Variants in ATP23 observed in about 807,000 individuals in gnomAD.
The protein encoded by ATP23 is mitochondrial inner membrane protease ATP23 homolog.
ATP23 carries 24 observed loss-of-function variants against 28.5 expected under a neutral mutation model. The observed-to-expected ratio is 0.84, with a 90% CI of 0.61 to 1.18. ATP23 has a LOEUF of 1.18. ATP23 is among the 50% of genes most tolerant of loss of function. The pLI is 0.00. For synonymous variants in ATP23, 99 were observed against 108.6 expected (o/e 0.91, Z 0.55); for missense variants, 274 against 306.4 (o/e 0.89, Z 0.79).
chr12:57,954,600 G>A (rs1433527940), intron 5 of ATP23, among the ~76,000 whole-genome samples: 2 of 152,220 alleles, frequency 1.3e-5, no homozygotes, highest in African/African-American at 2.4e-5. Context: ...GGGAAAGAAA[G>A]TATAGGACTC....
chr12:57,951,412 T>G (rs1048117644), intron 3 of ATP23, among the ~76,000 whole-genome samples: 2 of 152,192 alleles, frequency 1.3e-5, no homozygotes, highest in Admixed American at 6.5e-5. Flanking sequence ...GTGTGCTTCA[T>G]TCCAAAGCCC....
At position 57,947,004 on chromosome 12, in the gene ATP23, C is replaced by T. The variant is rs1195332299; in HGVS notation, c.243C>T (p.Asn81=). The T allele has an allele frequency of 1.2e-6, 2 of 1,613,812 alleles. No homozygotes were observed. Among genetic ancestry groups the T allele is most frequent in the Non-Finnish European group, 8.5e-7 (1 of 1,179,878 alleles). Residue 81 remains asparagine, a synonymous_variant, in exon 3 of 6, where the codon AAC becomes AAT. Transcript: ENST00000300145. The part of the protein sequence containing the change: ...DAMKHSGCAV[N]KDRHFSCEDC... ...TTTTCTTGCCTTTTAGTGCTGTTAACAAAGATAGACACTTTTCTTGCGAAG... is the reference window on the plus strand; with the variant it reads ...TTTTCTTGCCTTTTAGTGCTGTTAATAAAGATAGACACTTTTCTTGCGAAG...
chr12:57,950,292 T>C (rs1465204334), intron 3 of ATP23, among the ~76,000 whole-genome samples: 1 of 152,168 alleles, frequency 6.6e-6, no homozygotes, highest in Non-Finnish European at 1.5e-5. Context: ...ATCTGTTGCC[T>C]ACCACCCCCA....
intron 1 of ATP23, 71 bp from the exon 2 acceptor site, chr12:57,945,557 T>C (rs1956752357): frequency 2.3e-6 from 3 of 1,322,070 alleles, no homozygotes; most frequent in Admixed American, 3.4e-5. Context: ...GATAATATCT[T>C]ACACTGCTAT....
In ATP23 at chr12:57,941,796, T is replaced by C. The variant is rs1175649915; in HGVS notation, c.95T>C (p.Leu32Pro). 1.2e-6 allele frequency: 2 copies of C among 1,610,590 alleles called. No individual in the cohort carries two copies. ...TCTTGCCAGGTCTTCCCCGAGCGTC[T>C]GGCCCAGGGGAATCCCCAGCAAGGG... Reference protein sequence around the residue: ...HVSCQVFPERLAQGNPQQGFF... With the variant: ...HVSCQVFPERPAQGNPQQGFF... Residue 32 changes from leucine to proline, a missense_variant, in exon 1 of 6, where the codon CTG becomes CCG. Leu to Pro is a moderately conservative substitution (Grantham distance 98). Coordinates refer to ENST00000300145, the MANE Select transcript of ATP23 (RefSeq NM_033276.4).
chr12:57,953,656 C>G lies in ATP23; in HGVS notation c.504C>G (p.Phe168Leu), dbSNP rs536610552. Reference sequence around the variant, plus strand: ...ACTGCTCACTTGTCAATGAAATATTCAGGTTACATTTTGGATTAAAACAAC... The same window carrying G: ...ACTGCTCACTTGTCAATGAAATATTGAGGTTACATTTTGGATTAAAACAAC... ...SGDCSLVNEI[F>L]RLHFGLKQHH... is the part of the protein sequence containing the mutation. Residue 168 changes from phenylalanine (F) to leucine (L), a missense_variant, in exon 5 of 6, where the codon TTC becomes TTG. By Grantham distance (22) the Phe-to-Leu change is conservative. Coordinates refer to ENST00000300145, the MANE Select transcript of ATP23 (RefSeq NM_033276.4). 1.2e-6 allele frequency: 2 copies of G among 1,614,106 alleles called. No homozygotes were observed. The highest frequency in any genetic ancestry group is 1.3e-5 in the African/African-American group (1 of 75,036).
chr12:57,951,800 A>G lies in ATP23; in HGVS notation c.358A>G (p.Asn120Asp), dbSNP rs775121060. ...QNNIHNQAHM[N>D]RVVTHELIHA... ...TAATATCCATAATCAGGCCCATATG[A>G]ACAGAGTGGTCACACACGAGCTTAT... Residue 120 changes from asparagine (N) to aspartate (D), a missense_variant, in exon 4 of 6, where the codon AAC becomes GAC. Coordinates refer to ENST00000300145, the MANE Select transcript of ATP23 (RefSeq NM_033276.4). 12 of 1,614,140 alleles carry G rather than the reference A, an allele frequency of 7.4e-6. No individual in the cohort carries two copies. In the South Asian group the frequency reaches 1.3e-4, roughly 18 times the overall value.
Position 57,956,885 on chromosome 12 carries a change from A to C in ATP23, c.736A>C (p.Ile246Leu), listed in dbSNP as rs771376573. ...FENRDRYYSN[I>L] ...AAACCGTGATCGGTATTATTCAAAT[A>C]TATGAGCACAATGACATTTTTATAT... Residue 246 changes from isoleucine (I) to leucine (L), a missense_variant, in exon 6 of 6, where the codon ATA becomes CTA. By Grantham distance (5) the Ile-to-Leu change is conservative (BLOSUM62 2). Coordinates refer to ENST00000300145, the MANE Select transcript of ATP23 (RefSeq NM_033276.4). The C allele has an allele frequency of 1.3e-6, 2 of 1,599,186 alleles. No homozygotes were observed. Among genetic ancestry groups the C allele is most frequent in the South Asian group, 2.3e-5 (2 of 87,514 alleles).
At chr12:57,951,305 T>A (rs1956812165) in intron 3 of ATP23, among the ~76,000 whole-genome samples, 2 of 152,206 alleles carry the variant, frequency 1.3e-5, no homozygotes, top group African/African-American at 4.8e-5. Flanking sequence ...ACCCTAATTA[T>A]CTCCTTTTTA....
chr12:57,945,556 T>G (rs1393479883), intron 1 of ATP23, 72 bp from the exon 2 acceptor site: 1 of 1,321,334 alleles, frequency 7.6e-7, no homozygotes, highest in Non-Finnish European at 1.1e-6. Flanking sequence ...TGATAATATC[T>G]TACACTGCTA....
At chr12:57,949,864 C>G (rs1340454615) in intron 3 of ATP23, 1 of 146,996 alleles carries the variant, frequency 6.8e-6, no homozygotes, top group African/African-American at 2.7e-5. Flanking sequence ...TTACCATCCC[C>G]CATCTCCCCA....
chr12:57,954,905 G>C (rs1035318354), intron 5 of ATP23, among the ~76,000 whole-genome samples: 18 of 152,174 alleles, frequency 1.2e-4, no homozygotes, highest in African/African-American at 3.4e-4. Context: ...CCTTCTGCCT[G>C]GAAAGGGTGA....
intron 5 of ATP23, among the ~76,000 whole-genome samples, chr12:57,955,751 T>C (rs975567834): frequency 1.3e-5 from 2 of 152,228 alleles, no homozygotes; most frequent in African/African-American, 4.8e-5. Flanking sequence ...CTGGGGTTTA[T>C]TTTTTAAAAT....
At position 57,958,691 on chromosome 12, in the gene ATP23, T is replaced by C. The variant is rs914773489; in HGVS notation, c.*1801T>C. 3.3e-5 allele frequency among the ~76,000 whole-genome samples: 5 copies of C among 151,996 alleles called. No homozygotes were observed. The highest frequency in any genetic ancestry group is 5.9e-5 in the Non-Finnish European group (4 of 67,992). ...CACATCCATCGGAAAAGGGGGAGGG[T>C]ATACATCAAGGGAACACCCTGTGGG... On this transcript the variant is annotated 3_prime_UTR_variant, in exon 6 of 6. Transcript: ENST00000300145.
Position 57,956,671 on chromosome 12 carries a change from T to A in ATP23, c.538-16T>A. 6.4e-7 allele frequency: 1 copy of A among 1,568,296 alleles called. No homozygotes were observed. Among genetic ancestry groups the A allele is most frequent in the Non-Finnish European group, 8.6e-7 (1 of 1,157,218 alleles). On this transcript the variant is annotated splice_polypyrimidine_tract_variant and intron_variant, in intron 5 of 5. Transcript: ENST00000300145. ...TTTATATAAAATTAGAGCCTCATAC[T>A]TTTCCTTCTTTTTAGACTTGTGTGC...
In ATP23 at chr12:57,956,692, T is replaced by C; in HGVS notation, c.543T>C (p.Cys181=). The C allele has an allele frequency of 1.3e-6, 2 of 1,597,992 alleles. No individual in the cohort carries two copies. Among genetic ancestry groups the C allele is most frequent in the Non-Finnish European group, 1.7e-6 (2 of 1,173,104 alleles). The stretch of plus-strand genomic sequence containing the variant: ...ATACTTTTCCTTCTTTTTAGACTTG[T>C]GTGCGAGACAGAGCCACTCTTTCTA... ...HFGLKQHHQT[C]VRDRATLSIL... is the part of the protein sequence containing the mutation. The change falls in exon 6 of 6, where the codon TGT becomes TGC. Residue 181 remains cysteine, a synonymous_variant. Coordinates refer to ENST00000300145, the MANE Select transcript of ATP23 (RefSeq NM_033276.4).
intron 1 of ATP23, among the ~76,000 whole-genome samples, chr12:57,943,355 A>G (rs1956726400): frequency 1.3e-5 from 2 of 152,226 alleles, no homozygotes; most frequent in South Asian, 2.1e-4. Flanking sequence ...AGAGAAGGGG[A>G]AAATACCTTT....
At chr12:57,951,565 G>A (rs1159729534) in intron 3 of ATP23, among the ~76,000 whole-genome samples, 193 bp from the exon 4 acceptor site, 2 of 152,182 alleles carry the variant, frequency 1.3e-5, no homozygotes, top group Admixed American at 6.5e-5. Context: ...ACTGGGCGAG[G>A]CAATTGGAGC....
intron 5 of ATP23, among the ~76,000 whole-genome samples, chr12:57,955,162 G>A (rs889903714): frequency 6.7e-6 from 1 of 149,626 alleles, no homozygotes; most frequent in Non-Finnish European, 1.5e-5. Flanking sequence ...AATAGAGTTT[G>A]AAAAATTCCT....
Sources: allele counts gnomAD v4.1 joint callset (sites outside exome capture counted in the v4.1 genomes callset), GRCh38; gene constraint gnomAD v4.1.1; transcripts MANE v1.5; gene names NCBI Gene and HGNC (gene_info 2026-07-23, HGNC 2026-07-21).